Variants in WDR11 observed in about 807,000 individuals in gnomAD.
The protein encoded by WDR11 is WD repeat domain 11, also known as WD repeat-containing protein 11.
Under a neutral mutation model 151.2 loss-of-function variants are expected in WDR11, and 83 were observed. The observed-to-expected ratio is 0.55, with a 90% CI of 0.46 to 0.66. The LOEUF (loss-of-function observed/expected upper bound fraction) is 0.66, where lower values mean the gene tolerates loss of function less well. Ranked by LOEUF, WDR11 falls within the 30% of genes least tolerant of loss-of-function variation. The probability of loss-of-function intolerance (pLI) is 0.00; values close to 1 mark genes in which losing one functional copy is unlikely to be tolerated. For synonymous variants in WDR11, 484 were observed against 533.1 expected (o/e 0.91, Z 1.27); for missense variants, 1,301 against 1,480.9 (o/e 0.88, Z 1.99).
intron 28 of WDR11, chr10:120,907,262 A>C (rs1848091246): frequency 3.9e-6 from 1 of 255,044 alleles, no homozygotes. Context: ...TACTGGAATA[A>C]CTAAAAAAGT....
chr10:120,907,532 G>C (rs1848100803), intron 28 of WDR11: 1 of 151,458 alleles, frequency 6.6e-6, no homozygotes, highest in South Asian at 2.1e-4. Flanking sequence ...TCTTACATTT[G>C]CTCTCATTTC....
chr10:120,858,607 C>G (rs759602073), intron 2 of WDR11, 36 bp from the exon 3 acceptor site: 4 of 1,613,602 alleles, frequency 2.5e-6, no homozygotes, highest in Middle Eastern at 1.6e-4. Context: ...TCATCCAGCG[C>G]AAGTATTTAC....
At chr10:120,852,116 GA>G in intron 1 of WDR11, 1 of 247,378 alleles carries the variant, frequency 4.0e-6, no homozygotes, top group Non-Finnish European at 7.9e-6. Context: ...TAGGAGGACT[GA>G]AACGTCTTGT....
rs1288533338 is a variant in WDR11 at position 120,890,873 on chromosome 10, A to G, written c.2501A>G (p.Glu834Gly). The change falls in exon 19 of 29, where the codon GAA (glutamate) becomes GGA (glycine). Residue 834 changes from glutamate to glycine, a missense_variant. This residue lies in a region of WDR11 where 589 missense variants were observed against 670.6 expected (regional missense o/e 0.88). Transcript: ENST00000263461. ...AAGTCTGCGTGCTTTAGAATGGATG[A>G]ACAAGAGTTAACCGGTATGGAATCC... ...SMKSACFRMD[E>G]QELTEPVWCP... The G allele has an allele frequency of 6.2e-7, 1 of 1,614,144 alleles. No homozygotes were observed. Among genetic ancestry groups the G allele is most frequent in the South Asian group, 1.1e-5 (1 of 91,082 alleles).
chr10:120,906,427 C>T (rs1008020407), intron 27 of WDR11: 1 of 1,245,142 alleles, frequency 8.0e-7, no homozygotes, highest in African/African-American at 1.5e-5. Context: ...AATTGTGGAG[C>T]ATTTCATTTA....
chr10:120,861,333 T>A (rs1007581822), intron 4 of WDR11, among the ~76,000 whole-genome samples: 4 of 152,154 alleles, frequency 2.6e-5, no homozygotes, highest in African/African-American at 9.7e-5. Flanking sequence ...ACAGGGTGCT[T>A]AGGCTTTTAT....
At chr10:120,858,182 A>T (rs920466514) in intron 2 of WDR11, among the ~76,000 whole-genome samples, 2 of 151,990 alleles carry the variant, frequency 1.3e-5, no homozygotes, top group African/African-American at 4.8e-5. Context: ...AGAGAGAGAC[A>T]GCTAGAGTTT....
At chr10:120,900,663 C>T (rs1847781224) in intron 20 of WDR11, among the ~76,000 whole-genome samples, 1 of 152,206 alleles carries the variant, frequency 6.6e-6, no homozygotes, top group Non-Finnish European at 1.5e-5. Flanking sequence ...TCTCCAAGCA[C>T]TGTCTCCTCA....
Position 120,889,895 on chromosome 10 carries a change from AGGAATACCCACACACC to A in WDR11, c.2231_2246del (p.Gly744GlufsTer4). On this transcript the variant is annotated frameshift_variant and splice_region_variant, in exon 18 of 29. Coordinates refer to ENST00000263461, the MANE Select transcript of WDR11 (RefSeq NM_018117.12). LOFTEE classifies it high-confidence loss of function. Reference sequence around the variant, plus strand: ...GATGTTTTTGTTTCTTTGTCTTCAGAGGAATACCCACACACCGAAGTTGGGTGAGGAAGATTCGTTT... The same window carrying A: ...GATGTTTTTGTTTCTTTGTCTTCAGAGAAGTTGGGTGAGGAAGATTCGTTT... 6.2e-7 allele frequency: 1 copy of A among 1,610,422 alleles called. No homozygotes were observed.
At chr10:120,871,494 TAAAAA>T (rs5788450) in intron 10 of WDR11, 148 bp downstream of exon 10, 2 of 487,108 alleles carry the variant, frequency 4.1e-6, no homozygotes, top group Non-Finnish European at 7.0e-6. Context: ...TCCTGGAACT[TAAAAA>T]AAAAAAAATT....
In WDR11 at chr10:120,851,407, G is replaced by C; in HGVS notation, c.-14G>C. ...GTTGCGGGTCAGCGCCCAGGTCCTG[G>C]GCTGGCCGCCGGGATGTTGCCCTAC... On this transcript the variant is annotated 5_prime_UTR_variant, in exon 1 of 29. Coordinates refer to ENST00000263461, the MANE Select transcript of WDR11 (RefSeq NM_018117.12). 12 of 1,605,508 alleles carry C rather than the reference G, an allele frequency of 7.5e-6. No homozygotes were observed. Among genetic ancestry groups the C allele is most frequent in the Non-Finnish European group, 1.0e-5 (12 of 1,177,138 alleles).
intron 19 of WDR11, among the ~76,000 whole-genome samples, chr10:120,893,655 TC>T (rs1395925377): frequency 1.3e-5 from 2 of 151,634 alleles, no homozygotes; most frequent in Admixed American, 1.3e-4. Flanking sequence ...TTCCTATTTC[TC>T]CACATCCTCT....
In WDR11 at chr10:120,865,637, C is replaced by T. The variant is rs1846286397; in HGVS notation, c.887C>T (p.Pro296Leu). Residue 296 changes from proline (P) to leucine (L), a missense_variant, in exon 7 of 29, where the codon CCC (proline) becomes CTC (leucine). Physicochemically the swap from Pro to Leu is moderately conservative, Grantham distance 98 (BLOSUM62 -3). Around this residue, in one of 3 missense-constraint regions of WDR11, gnomAD observed 692 missense variants for 762.5 expected, o/e 0.91. Transcript: ENST00000263461. ...TATATCATCTATTTAAAGGTAATAC[C>T]CTGCTTTCAGCGTGATGGTTTATTT... ...RTGVPFLQVI[P>L]CFQRDGLFCL... 3 of 1,605,308 alleles carry T rather than the reference C, an allele frequency of 1.9e-6. No individual in the cohort carries two copies. The highest frequency in any genetic ancestry group is 2.7e-5 in the African/African-American group (2 of 74,524).
chr10:120,870,618 GT>G (rs1323958335), intron 9 of WDR11, among the ~76,000 whole-genome samples: 1 of 152,004 alleles, frequency 6.6e-6, no homozygotes, highest in Non-Finnish European at 1.5e-5. Context: ...ATATATATTT[GT>G]ATTTGTTTTA....
chr10:120,902,313 T>G lies in WDR11; in HGVS notation c.2744T>G (p.Leu915Arg), dbSNP rs1046882662. ...TTCACTCTCTTGCAGAGGTGCCTGC[T>G]TGTTTCAAGGTAATATTGTTTGATG... ...PEFTLLQRCL[L>R]VSRLYGDESE... The change falls in exon 22 of 29, where the codon CTT becomes CGT. Residue 915 changes from leucine (L) to arginine (R), a missense_variant. Transcript: ENST00000263461. 5.0e-6 allele frequency: 8 copies of G among 1,613,858 alleles called. No individual in the cohort carries two copies. The highest frequency in any genetic ancestry group is 6.8e-6 in the Non-Finnish European group (8 of 1,179,754).
chr10:120,899,372 ATTTATT>A lies in WDR11; in HGVS notation c.2516-652_2516-647del, dbSNP rs546141826. 2.0e-3 allele frequency among the ~76,000 whole-genome samples: 305 copies of A among 152,298 alleles called. 2 individuals are homozygous for A. Among genetic ancestry groups the A allele is most frequent in the Admixed American group, 4.5e-3 (69 of 15,292 alleles). ...AACAAAAGTACATACAGGTAAATATATTTATTTTTAATATTTAAAAATAATGAACTT... is the reference window on the plus strand; with the variant it reads ...AACAAAAGTACATACAGGTAAATATATTTAATATTTAAAAATAATGAACTT... On this transcript the variant is annotated intron_variant, in intron 19 of 28. Transcript: ENST00000263461.
chr10:120,875,852 A>G (rs1846755101), intron 11 of WDR11, among the ~76,000 whole-genome samples: 1 of 151,210 alleles, frequency 6.6e-6, no homozygotes, highest in Non-Finnish European at 1.5e-5. Context: ...ATAAGAAGTC[A>G]TTTTCTGTTT....
intron 19 of WDR11, among the ~76,000 whole-genome samples, chr10:120,893,813 C>G (rs12777878): frequency 0.37 from 55,432 of 150,088 alleles, 10,236 homozygotes; most frequent in Admixed American, 0.44. Context: ...TAAATGTCTT[C>G]TTTTGAGAAG....
At chr10:120,882,787 T>G (rs1468189271) in intron 13 of WDR11, among the ~76,000 whole-genome samples, 1 of 152,034 alleles carries the variant, frequency 6.6e-6, no homozygotes, top group African/African-American at 2.4e-5. Context: ...TTCATTTGAT[T>G]CTTCTCTATG....
Sources: allele counts gnomAD v4.1 joint callset (sites outside exome capture counted in the v4.1 genomes callset), GRCh38; gene constraint gnomAD v4.1.1; regional missense constraint gnomAD v4.1.1; transcripts MANE v1.5; gene names NCBI Gene and HGNC (gene_info 2026-07-23, HGNC 2026-07-21).